The following COL10A1 variants were observed in gnomAD, a reference collection of about 807,000 sequenced individuals.
COL10A1 encodes the protein collagen alpha-1(X) chain.
In COL10A1, 10 loss-of-function variants were observed where a neutral mutation model predicts 18.2. That is an observed-to-expected ratio of 0.55 (90% confidence interval 0.34 to 0.93). COL10A1 has a LOEUF of 0.93. COL10A1 is among the 40% of genes least tolerant of loss of function. COL10A1 has a pLI of 0.02. For missense variants in COL10A1, 897 were observed against 853.5 expected (o/e 1.05, Z -0.64); for synonymous variants, 330 against 316.6 (o/e 1.04, Z -0.45).
chr6:116,203,494 T>A, the COL10A1 span, among the ~76,000 whole-genome samples: 1 of 151,928 alleles, frequency 6.6e-6, no homozygotes, highest in African/African-American at 2.4e-5. Context: ...ATCTAGTGGC[T>A]CTTCCTCAAC....
upstream of COL10A1, among the ~76,000 whole-genome samples, chr6:116,159,456 C>T (rs11752488): frequency 0.036 from 5,525 of 152,182 alleles, 143 homozygotes; most frequent in Non-Finnish European, 0.057. Context: ...TTAAAGTATA[C>T]CATGCATTAT....
chr6:116,127,488 G>A (rs1467407680), upstream of COL10A1, among the ~76,000 whole-genome samples: 1 of 151,986 alleles, frequency 6.6e-6, no homozygotes, highest in African/African-American at 2.4e-5. Flanking sequence ...AAATAGGAAA[G>A]TTTATAATTC....
intron 1 of COL10A1, among the ~76,000 whole-genome samples, chr6:116,153,100 T>G (rs967108444): frequency 2.6e-5 from 4 of 151,930 alleles, no homozygotes; most frequent in African/African-American, 9.7e-5. Context: ...CCCTGATATA[T>G]TAATATAAAA....
the COL10A1 span, among the ~76,000 whole-genome samples, chr6:116,195,022 T>C: frequency 6.6e-6 from 1 of 152,074 alleles, no homozygotes; most frequent in African/African-American, 2.4e-5. Flanking sequence ...CTTCCTGCCA[T>C]CCATACTCTA....
intron 1 of COL10A1, among the ~76,000 whole-genome samples, chr6:116,136,845 C>T (rs900679092): frequency 1.3e-5 from 2 of 152,134 alleles, no homozygotes; most frequent in Non-Finnish European, 2.9e-5. Flanking sequence ...AATATTTAGT[C>T]ACAAATGCAA....
At chr6:116,208,602 A>G in the COL10A1 span, among the ~76,000 whole-genome samples, 1 of 152,010 alleles carries the variant, frequency 6.6e-6, no homozygotes, top group Non-Finnish European at 1.5e-5. Flanking sequence ...TGATCATGTC[A>G]TCATGTCATC....
the COL10A1 span, among the ~76,000 whole-genome samples, chr6:116,167,089 A>G: frequency 6.6e-6 from 1 of 152,138 alleles, no homozygotes; most frequent in Non-Finnish European, 1.5e-5. Flanking sequence ...AGCATGTGAT[A>G]TCCGTAGAAT....
chr6:116,133,587 T>C (rs73564698), intron 1 of COL10A1, among the ~76,000 whole-genome samples: 86 of 152,200 alleles, frequency 5.7e-4, no homozygotes, highest in African/African-American at 1.8e-3. Context: ...TCAAAACGGA[T>C]ACTTATGCAG....
At chr6:116,135,872 T>TATACACACACAC (rs368675402) in intron 1 of COL10A1, among the ~76,000 whole-genome samples, 3 of 121,314 alleles carry the variant, frequency 2.5e-5, no homozygotes, top group African/African-American at 1.1e-4. Flanking sequence ...TATATATATA[T>TATACACACACAC]ACACACATAC....
the COL10A1 span, among the ~76,000 whole-genome samples, chr6:116,210,123 G>T: frequency 6.6e-6 from 1 of 151,940 alleles, no homozygotes; most frequent in African/African-American, 2.4e-5. Flanking sequence ...TAATTAGAAT[G>T]CATATTGATG....
chr6:116,142,758 T>C (rs966437226), intron 1 of COL10A1, among the ~76,000 whole-genome samples: 4 of 152,200 alleles, frequency 2.6e-5, no homozygotes, highest in Non-Finnish European at 4.4e-5. Flanking sequence ...TTTTCTTGTT[T>C]CTTTTTGTTT....
the COL10A1 span, among the ~76,000 whole-genome samples, chr6:116,200,567 G>T: frequency 3.3e-5 from 5 of 152,014 alleles, no homozygotes; most frequent in Admixed American, 3.3e-4. Context: ...ATTTTAAAAA[G>T]CATAGCTAAA....
At chr6:116,179,375 A>T in the COL10A1 span, among the ~76,000 whole-genome samples, 1 of 152,100 alleles carries the variant, frequency 6.6e-6, no homozygotes, top group Non-Finnish European at 1.5e-5. Flanking sequence ...TTTAGCATTC[A>T]TTCCTTTTCA....
chr6:116,162,978 TTAG>T (rs1780371419), upstream of COL10A1, among the ~76,000 whole-genome samples: 1 of 151,460 alleles, frequency 6.6e-6, no homozygotes, highest in African/African-American at 2.4e-5. Context: ...ATACAAAAAA[TTAG>T]CCAGGCGTGG....
chr6:116,199,970 C>T, the COL10A1 span, among the ~76,000 whole-genome samples: 1 of 144,628 alleles, frequency 6.9e-6, no homozygotes, highest in Non-Finnish European at 1.5e-5. Flanking sequence ...GTGCATTGTA[C>T]TTCCTTACAA....
chr6:116,188,463 GA>G, the COL10A1 span, among the ~76,000 whole-genome samples: 2 of 151,908 alleles, frequency 1.3e-5, no homozygotes, highest in African/African-American at 4.8e-5. Context: ...ATTCATCAAT[GA>G]AAATGAAGCT....
intron 1 of COL10A1, among the ~76,000 whole-genome samples, chr6:116,155,844 G>A (rs561974829): frequency 4.6e-4 from 70 of 151,540 alleles, no homozygotes; most frequent in African/African-American, 1.6e-3. Context: ...AGCAGATACA[G>A]AGCTTATACA....
chr6:116,216,213 G>T, the COL10A1 span, among the ~76,000 whole-genome samples: 17 of 152,056 alleles, frequency 1.1e-4, no homozygotes, highest in African/African-American at 4.1e-4. Flanking sequence ...TATATGTTAG[G>T]TAATAAAGAT....
chr6:116,189,349 C>G, the COL10A1 span, among the ~76,000 whole-genome samples: 1 of 151,878 alleles, frequency 6.6e-6, no homozygotes, highest in Non-Finnish European at 1.5e-5. Context: ...TTGAGACTTA[C>G]ATATAGTTCC....
Sources: gnomAD v4.1 joint callset for allele counts (sites outside exome capture counted in the v4.1 genomes callset) on GRCh38, gnomAD v4.1.1 for gene constraint, MANE v1.5 for transcripts, NCBI Gene and HGNC (gene_info 2026-07-23, HGNC 2026-07-21) for gene names.